Variants in DIS3L2 observed in about 807,000 individuals in gnomAD.
DIS3L2 encodes the protein DIS3-like exonuclease 2.
In DIS3L2, 34 loss-of-function variants were observed where a neutral mutation model predicts 97.5. The observed-to-expected ratio is 0.35, with a 90% CI of 0.27 to 0.46. The LOEUF is 0.46. Among genes scored for constraint, DIS3L2 ranks in the 20% least tolerant of loss-of-function variants. The probability of loss-of-function intolerance (pLI) is 1.00; values close to 1 mark genes in which losing one functional copy is unlikely to be tolerated. For synonymous variants in DIS3L2, 435 were observed against 445.2 expected (o/e 0.98, Z 0.29); for missense variants, 1,038 against 1,146.0 (o/e 0.91, Z 1.36).
intron 3 of DIS3L2, among the ~76,000 whole-genome samples, chr2:232,017,432 G>A (rs1694389234): frequency 6.6e-6 from 1 of 152,020 alleles, no homozygotes; most frequent in African/African-American, 2.4e-5. Flanking sequence ...AGCTTTCCCT[G>A]GATTTATTTG....
At chr2:232,096,894 A>G (rs1292825367) in intron 6 of DIS3L2, among the ~76,000 whole-genome samples, 1 of 152,162 alleles carries the variant, frequency 6.6e-6, no homozygotes, top group Non-Finnish European at 1.5e-5. Context: ...GAAAGGTTAC[A>G]TATCTCTGTT....
chr2:232,317,124 A>G (rs962588420), intron 14 of DIS3L2, among the ~76,000 whole-genome samples: 5 of 152,352 alleles, frequency 3.3e-5, no homozygotes, highest in African/African-American at 1.2e-4. Context: ...AATGGAAGGG[A>G]AACACATTTG....
chr2:232,152,022 A>G (rs1690358002), intron 8 of DIS3L2, among the ~76,000 whole-genome samples: 1 of 576 alleles, frequency 1.7e-3, no homozygotes, highest in South Asian at 0.025. Context: ...GGTAGTCTGT[A>G]TTTCTGTGGG....
At chr2:232,102,254 C>T (rs746057097) in intron 6 of DIS3L2, among the ~76,000 whole-genome samples, 3 of 152,084 alleles carry the variant, frequency 2.0e-5, no homozygotes, top group Non-Finnish European at 4.4e-5. Flanking sequence ...AATCCAATGC[C>T]ATGAAAAGCA....
intron 9 of DIS3L2, among the ~76,000 whole-genome samples, chr2:232,205,612 T>A (rs1014292463): frequency 8.6e-5 from 13 of 151,980 alleles, no homozygotes; most frequent in Non-Finnish European, 1.2e-4. Context: ...AGTGTTTTTT[T>A]AAAAATTAGG....
At chr2:232,308,668 G>A (rs1008248131) in intron 14 of DIS3L2, among the ~76,000 whole-genome samples, 4 of 152,110 alleles carry the variant, frequency 2.6e-5, no homozygotes, top group Non-Finnish European at 4.4e-5. Context: ...GTTCTGGGCT[G>A]TACATCCTCT....
At chr2:232,342,306 T>A (rs564980975) in intron 13 of DIS3L2, among the ~76,000 whole-genome samples, 66 of 151,296 alleles carry the variant, frequency 4.4e-4, no homozygotes, top group Non-Finnish European at 7.7e-4. Context: ...TACACATATA[T>A]ACATATATAC....
intron 13 of DIS3L2, among the ~76,000 whole-genome samples, chr2:232,265,445 T>C (rs1175699289): frequency 6.6e-6 from 1 of 152,160 alleles, no homozygotes; most frequent in East Asian, 1.9e-4. Flanking sequence ...CCACAATATC[T>C]CAGCCAGTGC....
chr2:232,083,209 G>A (rs150900173), intron 5 of DIS3L2, among the ~76,000 whole-genome samples: 17 of 151,228 alleles, frequency 1.1e-4, no homozygotes, highest in Non-Finnish European at 1.6e-4. Flanking sequence ...CTTAAACTTC[G>A]TATGCATGAG....
At chr2:232,204,794 G>A (rs1048611041) in intron 9 of DIS3L2, among the ~76,000 whole-genome samples, 6 of 152,158 alleles carry the variant, frequency 3.9e-5, no homozygotes, top group Non-Finnish European at 7.3e-5. Context: ...CCCACCGCAC[G>A]GGGCTGGGCT....
chr2:232,301,250 T>C (rs917707430), intron 14 of DIS3L2, among the ~76,000 whole-genome samples: 8 of 152,192 alleles, frequency 5.3e-5, no homozygotes, highest in African/African-American at 1.9e-4. Flanking sequence ...AGAGTCAACA[T>C]TATCATGTTT....
intron 5 of DIS3L2, among the ~76,000 whole-genome samples, chr2:232,069,535 A>C (rs1695951277): frequency 6.6e-6 from 1 of 152,222 alleles, no homozygotes; most frequent in African/African-American, 2.4e-5. Flanking sequence ...CCTCAGATAC[A>C]GGGATAATCA....
intron 1 of DIS3L2, among the ~76,000 whole-genome samples, chr2:231,984,715 G>A (rs1693364065): frequency 6.6e-6 from 1 of 152,018 alleles, no homozygotes; most frequent in South Asian, 2.1e-4. Flanking sequence ...TATCTCCCAG[G>A]TTCAAGCAAA....
At chr2:232,019,114 C>T (rs939070552) in intron 3 of DIS3L2, among the ~76,000 whole-genome samples, 31 of 152,244 alleles carry the variant, frequency 2.0e-4, no homozygotes, top group Middle Eastern at 3.4e-3. Flanking sequence ...CAGGCTAAGC[C>T]TCCAGAGCTG....
chr2:231,992,628 TC>T (rs1434935358), intron 1 of DIS3L2, among the ~76,000 whole-genome samples: 2 of 152,060 alleles, frequency 1.3e-5, no homozygotes, highest in African/African-American at 4.8e-5. Context: ...CCCCATTGCT[TC>T]CCCCTTGCAC....
At chr2:231,982,182 A>G (rs1429538795) in intron 1 of DIS3L2, among the ~76,000 whole-genome samples, 1 of 152,146 alleles carries the variant, frequency 6.6e-6, no homozygotes, top group Non-Finnish European at 1.5e-5. Flanking sequence ...TTGAGTGTGT[A>G]ATCTTCAATA....
chr2:231,973,283 TAC>T (rs34093471), intron 1 of DIS3L2, among the ~76,000 whole-genome samples: 15 of 151,208 alleles, frequency 9.9e-5, no homozygotes, highest in East Asian at 5.8e-4. Context: ...TACATGTTTA[TAC>T]ACACACACAC....
chr2:232,273,811 A>G (rs1484957132), intron 13 of DIS3L2, among the ~76,000 whole-genome samples: 1 of 132,228 alleles, frequency 7.6e-6, no homozygotes, highest in Non-Finnish European at 1.5e-5. Context: ...TGGCATGGAA[A>G]GGTAGGGAGG....
chr2:232,333,792 G>A (rs1404363355), intron 16 of DIS3L2, 48 bp from the exon 17 acceptor site: 1 of 1,480,672 alleles, frequency 6.8e-7, no homozygotes, highest in Non-Finnish European at 9.0e-7. Context: ...TCCAGGCCTG[G>A]CTGGGCAGCT....
Sources: allele counts gnomAD v4.1 joint callset (sites outside exome capture counted in the v4.1 genomes callset), GRCh38; gene constraint gnomAD v4.1.1; transcripts MANE v1.5; gene names NCBI Gene and HGNC (gene_info 2026-07-23, HGNC 2026-07-21).